The following COL21A1 variants were observed in gnomAD, a reference collection of about 807,000 sequenced individuals.
COL21A1 encodes the protein collagen type XXI alpha 1 chain.
In COL21A1, 149 loss-of-function variants were observed where a neutral mutation model predicts 137.9. The ratio of observed to expected loss-of-function variants is 1.08; its 90% confidence interval spans 0.95 to 1.24. The LOEUF (loss-of-function observed/expected upper bound fraction) is 1.24, where lower values mean the gene tolerates loss of function less well. Among genes scored for constraint, COL21A1 ranks in the 50% most tolerant of loss-of-function variants. The pLI, the probability that COL21A1 is intolerant of heterozygous loss-of-function variation, is 0.00. For missense variants in COL21A1, 1,167 were observed against 1,158.4 expected, an observed-to-expected ratio of 1.01 and a Z score of -0.11; for synonymous variants, 456 against 391.5, an observed-to-expected ratio of 1.16 and a Z score of -1.95.
chr6:56,143,099 T>C (rs1472195020), intron 10 of COL21A1, among the ~76,000 whole-genome samples: 2 of 152,170 alleles, frequency 1.3e-5, no homozygotes, highest in African/African-American at 4.8e-5. Context: ...GAAAGATCAG[T>C]CTTATTGTTT....
rs994520340 is a variant in COL21A1, at chr6:56,124,135, G to A, written c.1705-20C>T. 6 of 1,533,362 alleles carry A rather than the reference G, an allele frequency of 3.9e-6. No individual in the cohort carries two copies. Among genetic ancestry groups the A allele is most frequent in the Non-Finnish European group, 4.4e-6 (5 of 1,135,840 alleles). 95.0% of individuals were successfully genotyped at this position (1,533,362 alleles called of 1,614,324 possible). ...TTCTCCCTAAAAAATAAATACATAT[G>A]CTTTAATATATTTTTGCACTAATTT... On this transcript the variant is annotated intron_variant, in intron 15 of 29. Coordinates refer to ENST00000244728, the MANE Select transcript of COL21A1 (RefSeq NM_030820.4).
chr6:56,067,312 C>T lies in COL21A1; in HGVS notation c.2110G>A (p.Gly704Ser). ...QGKKGDKGNQ[G>S]EKGIQGQKGE... is the part of the protein sequence containing the mutation. ...CAACATACCTGAATACCTTTTTCACCTTGATTTCCTTTGTCCCCCTACAAA... is the reference window on the plus strand; with the variant it reads ...CAACATACCTGAATACCTTTTTCACTTTGATTTCCTTTGTCCCCCTACAAA... The change falls in exon 23 of 30, where the codon GGT (glycine) becomes AGT (serine). Residue 704 changes from glycine (G) to serine (S), a missense_variant. Physicochemically the swap from Gly to Ser is moderately conservative, Grantham distance 56. Transcript: ENST00000244728. The T allele has an allele frequency of 6.2e-7, 1 of 1,608,550 alleles. No homozygotes were observed. Among genetic ancestry groups the T allele is most frequent in the Non-Finnish European group, 8.5e-7 (1 of 1,176,570 alleles).
intron 12 of COL21A1, among the ~76,000 whole-genome samples, chr6:56,128,896 C>A (rs983043119): frequency 1.5e-4 from 23 of 152,152 alleles, no homozygotes; most frequent in African/African-American, 5.5e-4. Flanking sequence ...CTCAGGTGAT[C>A]TACCTGCCTC....
chr6:56,334,181 C>T (rs1437920828), intron 1 of COL21A1, among the ~76,000 whole-genome samples: 2 of 152,048 alleles, frequency 1.3e-5, no homozygotes, highest in African/African-American at 4.8e-5. Context: ...ATCACAATTT[C>T]TAATTATGTA....
At chr6:56,353,670 T>C (rs1318777782) in intron 1 of COL21A1, among the ~76,000 whole-genome samples, 1 of 152,238 alleles carries the variant, frequency 6.6e-6, no homozygotes, top group Non-Finnish European at 1.5e-5. Flanking sequence ...AATAGTTGTT[T>C]CCATATGGCT....
At chr6:56,169,193 T>C (rs1776834199) in intron 5 of COL21A1, among the ~76,000 whole-genome samples, 1 of 151,998 alleles carries the variant, frequency 6.6e-6, no homozygotes, top group African/African-American at 2.4e-5. Flanking sequence ...ACTCTTGTTT[T>C]ACTTCAATAA....
chr6:56,179,669 G>A lies in COL21A1; in HGVS notation c.549C>T (p.Ala183=). 1.2e-6 allele frequency: 2 copies of A among 1,613,826 alleles called. No individual in the cohort carries two copies. Among genetic ancestry groups the A allele is most frequent in the East Asian group, 2.2e-5 (1 of 44,876 alleles). Residue 183 remains alanine (A), a synonymous_variant, in exon 3 of 30, where the codon GCC becomes GCT. Coordinates refer to ENST00000244728, the MANE Select transcript of COL21A1 (RefSeq NM_030820.4). ...ACACATAAGTAGACGAAGGCTTGTT[G>A]GCAATAGCTCTAAGTTCGGCATCTT... ...ETEDAELRAI[A]NKPSSTYVFY...
chr6:56,225,757 C>T (rs539351565), intron 1 of COL21A1: 19 of 151,680 alleles, frequency 1.3e-4, no homozygotes, highest in African/African-American at 3.4e-4. Flanking sequence ...ACAATAATTA[C>T]GGGAACAAAA....
At chr6:56,311,806 A>G (rs1764622664) in intron 1 of COL21A1, among the ~76,000 whole-genome samples, 1 of 152,178 alleles carries the variant, frequency 6.6e-6, no homozygotes, top group East Asian at 1.9e-4. Context: ...ACATGAAACT[A>G]CAGAATGATC....
At chr6:56,133,915 C>G (rs1023267841) in intron 12 of COL21A1, among the ~76,000 whole-genome samples, 2 of 152,182 alleles carry the variant, frequency 1.3e-5, no homozygotes, top group African/African-American at 2.4e-5. Context: ...TATGGAAATG[C>G]CTGGATGCCC....
rs770275763 is a variant in COL21A1, at chr6:56,179,739, T to C, written c.479A>G (p.Asp160Gly). The change falls in exon 3 of 30, where the codon GAT becomes GGT. Residue 160 changes from aspartate (D) to glycine (G), a missense_variant. Coordinates refer to ENST00000244728, the MANE Select transcript of COL21A1 (RefSeq NM_030820.4). ...DVKDAAQAAR[D>G]SKITLFAIGV... ...AATAGCAAATAATGTTATCTTACTATCTCTTGCTGCTTGAGCTGCATCCTT... is the reference window on the plus strand; with the variant it reads ...AATAGCAAATAATGTTATCTTACTACCTCTTGCTGCTTGAGCTGCATCCTT... The C allele has an allele frequency of 6.2e-7, 1 of 1,613,976 alleles. No homozygotes were observed. The highest frequency in any genetic ancestry group is 1.7e-5 in the Admixed American group (1 of 60,014).
chr6:56,305,180 G>A (rs549319091), intron 1 of COL21A1, among the ~76,000 whole-genome samples: 79 of 152,206 alleles, frequency 5.2e-4, no homozygotes, highest in African/African-American at 1.6e-3. Context: ...GAATAAGTGT[G>A]GTGTGGTGCT....
upstream of COL21A1, among the ~76,000 whole-genome samples, chr6:56,249,585 G>C (rs1264138805): frequency 6.6e-6 from 1 of 152,164 alleles, no homozygotes. Context: ...GAGCATGTTA[G>C]CTAAAAGAAG....
intron 2 of COL21A1, 104 bp from the exon 3 acceptor site, chr6:56,180,233 A>C: frequency 1.2e-6 from 1 of 861,524 alleles, no homozygotes; most frequent in Non-Finnish European, 1.7e-6. Flanking sequence ...ATCATTGCTT[A>C]TTTTAAATTG....
At chr6:56,119,292 GA>G (rs1216954407) in intron 16 of COL21A1, among the ~76,000 whole-genome samples, 1 of 151,910 alleles carries the variant, frequency 6.6e-6, no homozygotes, top group African/African-American at 2.4e-5. Flanking sequence ...TGAACAATCT[GA>G]AAAAGAAATT....
chr6:56,261,114 A>T (rs994238642), intron 1 of COL21A1, among the ~76,000 whole-genome samples: 1 of 151,982 alleles, frequency 6.6e-6, no homozygotes, highest in African/African-American at 2.4e-5. Flanking sequence ...AAGATCTTTC[A>T]ATGGTCTGTG....
intron 1 of COL21A1, among the ~76,000 whole-genome samples, chr6:56,271,058 C>T (rs538350052): frequency 2.0e-4 from 31 of 152,212 alleles, no homozygotes; most frequent in African/African-American, 7.2e-4. Context: ...AACTGGGTAA[C>T]AGGAAGAGGT....
At chr6:56,125,011 C>CTTT (rs70986773) in intron 14 of COL21A1, among the ~76,000 whole-genome samples, 10 of 54,844 alleles carry the variant, frequency 1.8e-4, no homozygotes, top group Admixed American at 5.3e-4. Flanking sequence ...ATCTGTAAAT[C>CTTT]TTTTTTTTTT....
intron 10 of COL21A1, among the ~76,000 whole-genome samples, chr6:56,144,974 A>C (rs1278308324): frequency 1.3e-5 from 2 of 152,204 alleles, no homozygotes; most frequent in Non-Finnish European, 2.9e-5. Flanking sequence ...ACAGGTGAAG[A>C]TTCTGGCAGG....
Sources: allele counts gnomAD v4.1 joint callset (sites outside exome capture counted in the v4.1 genomes callset), GRCh38; gene constraint gnomAD v4.1.1; transcripts MANE v1.5; gene names NCBI Gene and HGNC (gene_info 2026-07-23, HGNC 2026-07-21).